The following CNTN4 variants were observed in gnomAD, a reference collection of about 807,000 sequenced individuals.
The protein encoded by CNTN4 is contactin-4.
A neutral mutation model predicts 122.5 loss-of-function variants in CNTN4; 77 were observed. That is an observed-to-expected ratio of 0.63 (90% CI 0.52 to 0.76). CNTN4 has a LOEUF of 0.76. CNTN4 is among the 30% of genes least tolerant of loss of function. CNTN4 has a pLI of 0.00. For missense variants in CNTN4, 1,256 were observed against 1,259.1 expected (o/e 1.00, Z 0.04); for synonymous variants, 512 against 447.0 (o/e 1.15, Z -1.83).
At chr3:2,191,446 C>T (rs960280962) in intron 2 of CNTN4, among the ~76,000 whole-genome samples, 1 of 152,096 alleles carries the variant, frequency 6.6e-6, no homozygotes, top group South Asian at 2.1e-4. Context: ...AAAAGCCATT[C>T]TTAGTAATTG....
intron 7 of CNTN4, among the ~76,000 whole-genome samples, chr3:2,834,353 T>G (rs918324801): frequency 6.6e-6 from 1 of 151,914 alleles, no homozygotes; most frequent in Non-Finnish European, 1.5e-5. Context: ...TCACTTGAGG[T>G]CAGGAGTTTC....
chr3:2,891,261 C>T (rs190244544), intron 10 of CNTN4, among the ~76,000 whole-genome samples: 28 of 152,084 alleles, frequency 1.8e-4, no homozygotes, highest in African/African-American at 6.5e-4. Context: ...GCCAGGAATT[C>T]GAAACCAGCT....
intron 13 of CNTN4, among the ~76,000 whole-genome samples, chr3:2,980,048 G>A (rs114098089): frequency 0.013 from 1,982 of 152,284 alleles, 50 homozygotes; most frequent in African/African-American, 0.046. Context: ...TCCCCAGACT[G>A]GTTTTGATTT....
intron 4 of CNTN4, among the ~76,000 whole-genome samples, chr3:2,686,047 A>C (rs573898350): frequency 1.3e-3 from 198 of 152,338 alleles, no homozygotes; most frequent in Admixed American, 2.0e-3. Flanking sequence ...ATACACACAA[A>C]AAGAAATACA....
At chr3:2,954,829 T>G (rs1053107790) in intron 13 of CNTN4, among the ~76,000 whole-genome samples, 3 of 152,112 alleles carry the variant, frequency 2.0e-5, no homozygotes, top group African/African-American at 7.2e-5. Context: ...TCTGGAAAAT[T>G]TTGTTTAGAT....
At chr3:3,023,331 G>T (rs541972927) in intron 14 of CNTN4, among the ~76,000 whole-genome samples, 1 of 152,248 alleles carries the variant, frequency 6.6e-6, no homozygotes, top group East Asian at 1.9e-4. Flanking sequence ...CTGAGTTAAT[G>T]AATCAGCAGC....
chr3:2,679,979 A>T (rs932459213), intron 4 of CNTN4, among the ~76,000 whole-genome samples: 1 of 152,206 alleles, frequency 6.6e-6, no homozygotes, highest in East Asian at 1.9e-4. Context: ...GGATTAATGA[A>T]TGAATTATTA....
Position 2,382,130 on chromosome 3 carries a change from C to T in CNTN4, c.-89+42897C>T, listed in dbSNP as rs183724437. Among the ~76,000 whole-genome samples the T allele has an allele frequency of 3.3e-5, 5 of 151,782 alleles. No homozygotes were observed. The East Asian group carries it at 9.7e-4, about 30-fold the overall frequency. Reference sequence around the variant, plus strand: ...CTTTATATAAAAAACATGGTATACACCTTACTGAACATTCTTTTCTTACAT... The same window carrying T: ...CTTTATATAAAAAACATGGTATACATCTTACTGAACATTCTTTTCTTACAT... On this transcript the variant is annotated intron_variant, in intron 3 of 24. Coordinates refer to ENST00000418658, the MANE Select transcript of CNTN4 (RefSeq NM_175607.3).
intron 3 of CNTN4, among the ~76,000 whole-genome samples, chr3:2,394,324 G>A (rs1483860784): frequency 2.0e-5 from 3 of 152,178 alleles, no homozygotes; most frequent in African/African-American, 7.2e-5. Context: ...TGGGTGAGAA[G>A]ATGGAATTTC....
chr3:2,991,815 A>G (rs1226295474), intron 14 of CNTN4, among the ~76,000 whole-genome samples: 2 of 152,150 alleles, frequency 1.3e-5, no homozygotes, highest in Non-Finnish European at 2.9e-5. Flanking sequence ...AGCCCGAAAT[A>G]TGACTGAGCG....
rs368469581 is a variant in CNTN4, at chr3:2,544,733, A to C, written c.-88-26683A>C. Among the ~76,000 whole-genome samples the C allele has an allele frequency of 7.3e-5, 11 of 151,176 alleles. No individual in the cohort carries two copies. In the East Asian group the frequency reaches 2.2e-3, roughly 30 times the overall value. On this transcript the variant is annotated intron_variant, in intron 3 of 24. Coordinates refer to ENST00000418658, the MANE Select transcript of CNTN4 (RefSeq NM_175607.3). ...TGGTAATGTCCCCTTTGTCGTTTCT[A>C]AATGTGTTTACTTGGATCTCTGCTC...
At chr3:2,657,731 A>G (rs1274415171) in intron 4 of CNTN4, among the ~76,000 whole-genome samples, 1 of 152,068 alleles carries the variant, frequency 6.6e-6, no homozygotes, top group East Asian at 1.9e-4. Context: ...TCAAAATGGC[A>G]TATTGCAGTT....
chr3:2,644,011 T>C (rs2083009904), intron 4 of CNTN4, among the ~76,000 whole-genome samples: 1 of 152,166 alleles, frequency 6.6e-6, no homozygotes, highest in Non-Finnish European at 1.5e-5. Flanking sequence ...TGACTGGTGT[T>C]GATTTCAGGT....
chr3:2,630,955 A>G (rs1473584694), intron 4 of CNTN4, among the ~76,000 whole-genome samples: 1 of 152,174 alleles, frequency 6.6e-6, no homozygotes, highest in East Asian at 1.9e-4. Context: ...ACCTCAACTT[A>G]TAGTCAGTTG....
chr3:2,868,746 G>A (rs1029044704), intron 8 of CNTN4, among the ~76,000 whole-genome samples: 8 of 152,238 alleles, frequency 5.3e-5, no homozygotes, highest in African/African-American at 1.9e-4. Context: ...TCTCCTGGGG[G>A]ATGCAGACAC....
Position 2,117,665 on chromosome 3 carries a change from G to A in CNTN4, c.-145+17026G>A, listed in dbSNP as rs189019508. 1.9e-3 allele frequency among the ~76,000 whole-genome samples: 283 copies of A among 152,286 alleles called. 3 individuals are homozygous for A. Among genetic ancestry groups the A allele is most frequent in the Middle Eastern group, 0.01 (3 of 294 alleles). On this transcript the variant is annotated intron_variant, in intron 2 of 24. Transcript: ENST00000418658. ...GCATACAAAAGATTTTCCTTTGGAGGTCCCAAGGATTTTAGGAGTTTTATG... is the reference window on the plus strand; with the variant it reads ...GCATACAAAAGATTTTCCTTTGGAGATCCCAAGGATTTTAGGAGTTTTATG...
Position 2,248,623 on chromosome 3 carries a change from T to C in CNTN4, c.-144-90555T>C, listed in dbSNP as rs139880583. On this transcript the variant is annotated intron_variant, in intron 2 of 24. Transcript: ENST00000418658. ...ATCAATCAAAGCTCTACAAGCCTTC[T>C]ATGGGTTGCTTCCTTAACAAATATG... 2.6e-3 allele frequency among the ~76,000 whole-genome samples: 394 copies of C among 152,144 alleles called. 1 individual carries two copies. Among genetic ancestry groups the C allele is most frequent in the African/African-American group, 9.3e-3 (385 of 41,558 alleles).
chr3:2,816,851 C>A (rs6414446), intron 6 of CNTN4, among the ~76,000 whole-genome samples: 2 of 143,848 alleles, frequency 1.4e-5, no homozygotes, highest in African/African-American at 2.6e-5. Context: ...AAGAACTTAC[C>A]CATGTAACCA....
intron 2 of CNTN4, among the ~76,000 whole-genome samples, chr3:2,230,283 C>A (rs1349068356): frequency 6.6e-6 from 1 of 152,122 alleles, no homozygotes. Flanking sequence ...ACCTCAAGTG[C>A]CATAGTGTGT....
Sources: gnomAD v4.1 joint callset for allele counts (sites outside exome capture counted in the v4.1 genomes callset) on GRCh38, gnomAD v4.1.1 for gene constraint, MANE v1.5 for transcripts, NCBI Gene and HGNC (gene_info 2026-07-23, HGNC 2026-07-21) for gene names.